The following RANBP17 variants were observed in gnomAD, a reference collection of about 807,000 sequenced individuals.
RANBP17 encodes the protein RAN binding protein 17.
A neutral mutation model predicts 141.2 loss-of-function variants in RANBP17; 158 were observed. The observed-to-expected ratio is 1.12, with a 90% CI of 0.98 to 1.28. The LOEUF is 1.28. Among genes scored for constraint, RANBP17 ranks in the 50% most tolerant of loss-of-function variants. The pLI is 0.00. For synonymous variants in RANBP17, 430 were observed against 450.0 expected (o/e 0.96, Z 0.56); for missense variants, 1,438 against 1,290.7 (o/e 1.11, Z -1.75).
intron 14 of RANBP17, among the ~76,000 whole-genome samples, chr5:171,094,698 T>A (rs190909696): frequency 5.3e-5 from 8 of 152,340 alleles, no homozygotes; most frequent in African/African-American, 1.9e-4. Context: ...GTAAAGGAAT[T>A]ATGGAAGAGT....
At chr5:171,007,275 CA>C (rs1375669327) in intron 14 of RANBP17, among the ~76,000 whole-genome samples, 1 of 152,148 alleles carries the variant, frequency 6.6e-6, no homozygotes, top group African/African-American at 2.4e-5. Context: ...ACTGTTCCTT[CA>C]GCTCCAGCCA....
intron 20 of RANBP17, among the ~76,000 whole-genome samples, chr5:171,210,834 G>T (rs1299886073): frequency 6.6e-6 from 1 of 151,384 alleles, no homozygotes; most frequent in Non-Finnish European, 1.5e-5. Context: ...GTGAAACCCC[G>T]TCTCTACTAA....
chr5:170,883,013 G>T (rs576495237), intron 3 of RANBP17, among the ~76,000 whole-genome samples: 1 of 152,182 alleles, frequency 6.6e-6, no homozygotes, highest in Non-Finnish European at 1.5e-5. Flanking sequence ...GTATGTGATG[G>T]ATCTTTAAGT....
rs145737869 is a variant in RANBP17, at chr5:171,072,016, T to C, written c.1711-98114T>C. ...CAAGTGACTTGGATTATCCAAAATA[T>C]ACAAAGGACTCTGAAGAACTTGCCA... On this transcript the variant is annotated intron_variant, in intron 14 of 27. Coordinates refer to ENST00000523189, the MANE Select transcript of RANBP17 (RefSeq NM_022897.5). Among the ~76,000 whole-genome samples the C allele has an allele frequency of 2.4e-3, 365 of 152,246 alleles. 3 individuals are homozygous for C. The highest frequency in any genetic ancestry group is 8.4e-3 in the African/African-American group (349 of 41,562).
At chr5:171,087,307 G>C (rs1785744209) in intron 14 of RANBP17, among the ~76,000 whole-genome samples, 1 of 152,038 alleles carries the variant, frequency 6.6e-6, no homozygotes, top group Admixed American at 6.5e-5. Flanking sequence ...GTTCTAGTTT[G>C]ATTGCACTGT....
chr5:170,961,400 A>G (rs1776141402), intron 13 of RANBP17, among the ~76,000 whole-genome samples: 1 of 152,224 alleles, frequency 6.6e-6, no homozygotes, highest in Admixed American at 6.5e-5. Context: ...TTGGATCAAA[A>G]ATTATTTATC....
intron 14 of RANBP17, among the ~76,000 whole-genome samples, chr5:171,069,834 G>GA (rs1017302944): frequency 2.0e-5 from 3 of 152,010 alleles, no homozygotes; most frequent in Non-Finnish European, 2.9e-5. Flanking sequence ...AAGTACTTTA[G>GA]AAAAAAATAC....
chr5:171,279,655 C>T (rs1395533068), intron 25 of RANBP17, among the ~76,000 whole-genome samples: 1 of 152,128 alleles, frequency 6.6e-6, no homozygotes, highest in Non-Finnish European at 1.5e-5. Context: ...TGTCTTCATA[C>T]CTAATGTCTC....
At chr5:171,270,300 A>C (rs1767008757) in intron 25 of RANBP17, among the ~76,000 whole-genome samples, 1 of 152,244 alleles carries the variant, frequency 6.6e-6, no homozygotes, top group Non-Finnish European at 1.5e-5. Context: ...AATTTAGTCC[A>C]TATGAAGATC....
At chr5:171,186,712 A>C (rs1761283618) in intron 18 of RANBP17, among the ~76,000 whole-genome samples, 2 of 148,862 alleles carry the variant, frequency 1.3e-5, no homozygotes, top group South Asian at 4.3e-4. Context: ...AATTTTTTGT[A>C]TTTTTAGTAG....
chr5:171,279,398 C>T (rs1767715837), intron 25 of RANBP17, among the ~76,000 whole-genome samples: 2 of 152,178 alleles, frequency 1.3e-5, no homozygotes, highest in African/African-American at 2.4e-5. Context: ...CTGCATCTGG[C>T]AAGGGCCTTC....
At chr5:170,944,000 T>C (rs151143707) in intron 12 of RANBP17, among the ~76,000 whole-genome samples, 218 of 152,304 alleles carry the variant, frequency 1.4e-3, no homozygotes, top group Admixed American at 2.9e-3. Context: ...TTGACCTAAT[T>C]TCTAATTTCC....
intron 14 of RANBP17, among the ~76,000 whole-genome samples, chr5:171,141,621 C>CCAAA (rs1757706075): frequency 1.8e-5 from 1 of 55,318 alleles, no homozygotes; most frequent in African/African-American, 8.1e-5. Context: ...GACTCCATCT[C>CCAAA]AAAAAAAAAA....
chr5:171,221,230 A>T (rs1281803922), intron 21 of RANBP17, among the ~76,000 whole-genome samples: 1 of 152,246 alleles, frequency 6.6e-6, no homozygotes, highest in Non-Finnish European at 1.5e-5. Context: ...AGTTGTATGC[A>T]GTGGAAACTG....
intron 21 of RANBP17, among the ~76,000 whole-genome samples, chr5:171,214,166 A>T (rs1312645418): frequency 6.6e-6 from 1 of 152,178 alleles, no homozygotes; most frequent in East Asian, 1.9e-4. Flanking sequence ...ATTCATGGGA[A>T]CATAGTTTGC....
chr5:170,997,050 GT>G (rs1778864302), intron 14 of RANBP17, among the ~76,000 whole-genome samples: 1 of 152,164 alleles, frequency 6.6e-6, no homozygotes, highest in Non-Finnish European at 1.5e-5. Context: ...CATGGGGGCA[GT>G]TTCCCCCCAT....
chr5:170,888,001 A>G (rs1021312095), intron 3 of RANBP17, among the ~76,000 whole-genome samples: 1 of 152,188 alleles, frequency 6.6e-6, no homozygotes, highest in African/African-American at 2.4e-5. Flanking sequence ...TTTCAGCATG[A>G]GTATGGGAGG....
At chr5:170,981,024 A>G (rs1314728305) in intron 14 of RANBP17, among the ~76,000 whole-genome samples, 1 of 152,236 alleles carries the variant, frequency 6.6e-6, no homozygotes, top group Non-Finnish European at 1.5e-5. Context: ...GATGTGAGAC[A>G]TGGAGGCAAA....
chr5:170,965,243 TTG>T lies in RANBP17; in HGVS notation c.1575-2997_1575-2996del, dbSNP rs1344289874. Among the ~76,000 whole-genome samples the T allele has an allele frequency of 2.4e-3, 203 of 83,604 alleles. 1 individual carries two copies. Among genetic ancestry groups the T allele is most frequent in the South Asian group, 9.8e-3 (9 of 914 alleles). The allele number at this position is 83,604 out of a possible 152,430, so 54.8% of individuals were successfully genotyped here. On this transcript the variant is annotated intron_variant, in intron 13 of 27. Coordinates refer to ENST00000523189, the MANE Select transcript of RANBP17 (RefSeq NM_022897.5). The stretch of plus-strand genomic sequence containing the variant: ...GTCTTTTGCCCACTTTTTGATGGGG[TTG>T]TTTTTTTTTTTCTTGTAAATTTGTT...
Sources: gnomAD v4.1 joint callset for allele counts (sites outside exome capture counted in the v4.1 genomes callset) on GRCh38, gnomAD v4.1.1 for gene constraint, MANE v1.5 for transcripts, NCBI Gene and HGNC (gene_info 2026-07-23, HGNC 2026-07-21) for gene names.